CIMAP3: variants seen among roughly 807,000 people sequenced by gnomAD.
The protein encoded by CIMAP3 is ciliary microtubule associated protein 3, also known as ciliary microtubule-associated protein 3.
At chr1:111,335,979 G>A in the CIMAP3 span, among the ~76,000 whole-genome samples, 1 of 152,222 alleles carries the variant, frequency 6.6e-6, no homozygotes, top group African/African-American at 2.4e-5. Context: ...CACTTACACG[G>A]CCGGGTACTC....
the CIMAP3 span, chr1:111,346,494 G>C: frequency 9.5e-7 from 1 of 1,057,710 alleles, no homozygotes; most frequent in Non-Finnish European, 1.4e-6. Context: ...TCCAAGGTGC[G>C]GGTTCCTGCC....
At chr1:111,343,852 T>C in the CIMAP3 span, among the ~76,000 whole-genome samples, 1 of 152,254 alleles carries the variant, frequency 6.6e-6, no homozygotes, top group Non-Finnish European at 1.5e-5. Flanking sequence ...CTGGGATCTT[T>C]ATTGACTTTG....
the CIMAP3 span, chr1:111,346,746 TGGGA>T: frequency 6.4e-7 from 1 of 1,569,510 alleles, no homozygotes; most frequent in Non-Finnish European, 8.8e-7. Flanking sequence ...AAAGACGAAG[TGGGA>T]GGAAGTGCAG....
At chr1:111,340,075 T>C in the CIMAP3 span, among the ~76,000 whole-genome samples, 1 of 152,016 alleles carries the variant, frequency 6.6e-6, no homozygotes, top group African/African-American at 2.4e-5. Flanking sequence ...ATCTGATCTT[T>C]GACAAACCTG....
chr1:111,346,081 A>G, the CIMAP3 span, among the ~76,000 whole-genome samples: 1 of 152,112 alleles, frequency 6.6e-6, no homozygotes, highest in Admixed American at 6.5e-5. Flanking sequence ...CAAGGCCTCC[A>G]GTTCTTTTAA....
chr1:111,330,678 G>T, the CIMAP3 span, among the ~76,000 whole-genome samples: 1 of 152,224 alleles, frequency 6.6e-6, no homozygotes, highest in Non-Finnish European at 1.5e-5. Context: ...CAGCTCTGGG[G>T]TGATCTCAGT....
chr1:111,331,727 A>G, the CIMAP3 span, among the ~76,000 whole-genome samples: 1 of 151,172 alleles, frequency 6.6e-6, no homozygotes, highest in African/African-American at 2.4e-5. Context: ...CTTTTACTGG[A>G]GAATTTTTTT....
chr1:111,329,516 CATATATATATAT>C, the CIMAP3 span, among the ~76,000 whole-genome samples: 3,156 of 106,168 alleles, frequency 0.03, 82 homozygotes, highest in Admixed American at 0.048. Context: ...CACATAAACC[CATATATATATAT>C]ATATATATAT....
At chr1:111,337,524 C>CA in the CIMAP3 span, among the ~76,000 whole-genome samples, 1 of 151,352 alleles carries the variant, frequency 6.6e-6, no homozygotes, top group Admixed American at 6.6e-5. Context: ...CAATGGAAAA[C>CA]AAAAAAAGGC....
At chr1:111,341,840 C>T in the CIMAP3 span, among the ~76,000 whole-genome samples, 52 of 151,732 alleles carry the variant, frequency 3.4e-4, no homozygotes, top group East Asian at 1.9e-4. Context: ...ACTTATTTCT[C>T]GTTTCACTTG....
At chr1:111,343,579 T>C in the CIMAP3 span, among the ~76,000 whole-genome samples, 1 of 152,272 alleles carries the variant, frequency 6.6e-6, no homozygotes, top group Non-Finnish European at 1.5e-5. Flanking sequence ...TGCATGGTCA[T>C]CATTCAAAAA....
chr1:111,334,192 A>G, the CIMAP3 span, among the ~76,000 whole-genome samples: 16 of 152,200 alleles, frequency 1.1e-4, no homozygotes, highest in African/African-American at 3.4e-4. Flanking sequence ...AACAGGTAGA[A>G]AAGGCTGGAC....
the CIMAP3 span, among the ~76,000 whole-genome samples, chr1:111,350,646 A>G: frequency 2.0e-5 from 3 of 152,212 alleles, no homozygotes; most frequent in Non-Finnish European, 4.4e-5. Context: ...AGCTAAGAGC[A>G]TGGATTATGG....
chr1:111,347,835 G>T, the CIMAP3 span: 1 of 1,210,886 alleles, frequency 8.3e-7, no homozygotes, highest in Non-Finnish European at 1.2e-6. Context: ...GAGTGCAAAG[G>T]GCAGAGAGCA....
the CIMAP3 span, among the ~76,000 whole-genome samples, chr1:111,344,076 A>G: frequency 2.0e-4 from 30 of 152,186 alleles, no homozygotes; most frequent in African/African-American, 7.2e-4. Flanking sequence ...CTCTTTTATT[A>G]TAAGCTCTTG....
the CIMAP3 span, chr1:111,346,824 C>A: frequency 6.3e-7 from 1 of 1,581,244 alleles, no homozygotes; most frequent in South Asian, 1.1e-5. Flanking sequence ...GTCCTCTGCT[C>A]AGTCTCCCCG....
chr1:111,347,545 G>A, the CIMAP3 span: 3 of 607,460 alleles, frequency 4.9e-6, no homozygotes, highest in Admixed American at 2.8e-5. Flanking sequence ...TTGCAGAGAA[G>A]GTTCAGATGG....
chr1:111,341,123 C>T, the CIMAP3 span, among the ~76,000 whole-genome samples: 25 of 150,242 alleles, frequency 1.7e-4, no homozygotes, highest in Non-Finnish European at 2.2e-4. Flanking sequence ...AACCAAACAC[C>T]GCATATTCTC....
chr1:111,327,725 T>C, the CIMAP3 span, among the ~76,000 whole-genome samples: 1 of 152,066 alleles, frequency 6.6e-6, no homozygotes, highest in African/African-American at 2.4e-5. Context: ...TTTCTAATTG[T>C]ATTCATTTGG....
Sources: allele counts gnomAD v4.1 joint callset (sites outside exome capture counted in the v4.1 genomes callset), GRCh38; gene constraint gnomAD v4.1.1; transcripts MANE v1.5; gene names NCBI Gene and HGNC (gene_info 2026-07-23, HGNC 2026-07-21).